MTFP1: variants seen among roughly 807,000 people sequenced by gnomAD.
MTFP1 encodes mitochondrial fission process 1.
In MTFP1, 19 loss-of-function variants were observed where a neutral mutation model predicts 17.1. The ratio of observed to expected loss-of-function variants is 1.11; its 90% CI spans 0.77 to 1.63. The LOEUF is 1.63. MTFP1 is among the 40% of genes most tolerant of loss of function. The pLI is 0.00. For missense variants in MTFP1, 221 were observed against 226.2 expected (o/e 0.98, Z 0.15); for synonymous variants, 89 against 95.2 (o/e 0.93, Z 0.38).
intron 1 of MTFP1, among the ~76,000 whole-genome samples, 194 bp from the exon 2 acceptor site, chr22:30,426,523 G>A (rs926436809): frequency 7.9e-5 from 12 of 152,236 alleles, no homozygotes; most frequent in African/African-American, 2.6e-4. Flanking sequence ...TGCTCAGTCC[G>A]CCCTCAGTGG....
chr22:30,428,574 T>C lies in MTFP1; in HGVS notation c.*40T>C, dbSNP rs1290093281. ...CTGGCCTGTGCATCGGCCTCCTGCT[T>C]CATGTCAACCTCCTACTCCTGCCAG... On this transcript the variant is annotated 3_prime_UTR_variant, in exon 4 of 4. Transcript: ENST00000266263. 4 of 1,614,046 alleles carry C rather than the reference T, an allele frequency of 2.5e-6. No homozygotes were observed. Among genetic ancestry groups the C allele is most frequent in the Non-Finnish European group, 3.4e-6 (4 of 1,180,026 alleles).
At position 30,425,957 on chromosome 22, in the gene MTFP1, G is replaced by A; in HGVS notation, c.67+11G>A. The A allele has an allele frequency of 6.6e-7, 1 of 1,504,634 alleles. No homozygotes were observed. Among genetic ancestry groups the A allele is most frequent in the Non-Finnish European group, 8.9e-7 (1 of 1,127,252 alleles). The allele number at this position is 1,504,634 out of a possible 1,614,324, so 93.2% of individuals were successfully genotyped here. On this transcript the variant is annotated intron_variant, in intron 1 of 3. Coordinates refer to ENST00000266263, the MANE Select transcript of MTFP1 (RefSeq NM_016498.5). ...GGGTGCGATACCTGGGTGAGCGCGG[G>A]GCGACGGGCGCGGCGACCCCACCAC...
At chr22:30,426,990 A>G (rs1601796046) in intron 2 of MTFP1, 146 bp downstream of exon 2, 1 of 1,424,714 alleles carries the variant, frequency 7.0e-7, no homozygotes, top group East Asian at 2.3e-5. Context: ...TCCTGTTTGT[A>G]GGACAGTGTA....
rs1411182147 is a variant in MTFP1, at chr22:30,426,941, C to T, written c.195+97C>T. 2.6e-6 allele frequency: 4 copies of T among 1,566,672 alleles called. No individual in the cohort carries two copies. The African/African-American group carries it at 5.4e-5, about 21-fold the overall frequency. ...TGTGATAAAGTCCCTGTGGGACACT[C>T]CAGTCCCTACAACCTTGCCTAGTGC... On this transcript the variant is annotated intron_variant, in intron 2 of 3. Transcript: ENST00000266263.
Position 30,428,589 on chromosome 22 carries a change from A to T in MTFP1, c.*55A>T. ...GCCTCCTGCTTCATGTCAACCTCCTACTCCTGCCAGGGAATGTGGACACCT... is the reference window on the plus strand; with the variant it reads ...GCCTCCTGCTTCATGTCAACCTCCTTCTCCTGCCAGGGAATGTGGACACCT... On this transcript the variant is annotated 3_prime_UTR_variant, in exon 4 of 4. Transcript: ENST00000266263. 6.2e-7 allele frequency: 1 copy of T among 1,613,194 alleles called. No individual in the cohort carries two copies. Among genetic ancestry groups the T allele is most frequent in the Admixed American group, 1.7e-5 (1 of 59,924 alleles).
In MTFP1 at chr22:30,427,196, G is replaced by A. The variant is rs1373478968; in HGVS notation, c.221G>A (p.Ser74Asn). Residue 74 changes from serine to asparagine, a missense_variant, in exon 3 of 4, where the codon AGC (serine) becomes AAC (asparagine). Physicochemically the swap from Ser to Asn is conservative, Grantham distance 46 (BLOSUM62 1). Coordinates refer to ENST00000266263, the MANE Select transcript of MTFP1 (RefSeq NM_016498.5). ...GEVPSPEAGR[S>N]ARVTVAVVDT... ...GTGCCCAGCCCTGAAGCAGGCCGCA[G>A]CGCCAGGGTGACTGTGGCTGTGGTG... 4 of 1,614,010 alleles carry A rather than the reference G, an allele frequency of 2.5e-6. No homozygotes were observed. The African/African-American group carries it at 5.3e-5, about 22-fold the overall frequency.
chr22:30,427,118 G>A (rs753849871), intron 2 of MTFP1, 53 bp from the exon 3 acceptor site: 47 of 1,589,796 alleles, frequency 3.0e-5, no homozygotes, highest in South Asian at 1.9e-4. Context: ...GCCCCTTGTC[G>A]CAGGATTTTC....
chr22:30,428,461 G>C lies in MTFP1; in HGVS notation c.429-1G>C, dbSNP rs1442251287. ...GCTCACCACCCTTCCACTCCCTACA[G>C]GTCGGTGGATTTCCTCCTGGACTCC... On this transcript the variant is annotated splice_acceptor_variant, in intron 3 of 3. Transcript: ENST00000266263. LOFTEE classifies it high-confidence loss of function. The C allele has an allele frequency of 5.0e-6, 8 of 1,614,068 alleles. No individual in the cohort carries two copies. Among genetic ancestry groups the C allele is most frequent in the Non-Finnish European group, 5.9e-6 (7 of 1,179,958 alleles).
Position 30,425,809 on chromosome 22 carries a change from C to A in MTFP1, c.-71C>A. ...TCGGCGGGTCCCGGCCGGGCAGACC[C>A]AAGTGCCGGCGGCGGAGACTGCAGT... On this transcript the variant is annotated 5_prime_UTR_variant, in exon 1 of 4. Transcript: ENST00000266263. The A allele has an allele frequency of 6.9e-7, 1 of 1,449,498 alleles. No homozygotes were observed. Among genetic ancestry groups the A allele is most frequent in the Admixed American group, 2.3e-5 (1 of 42,738 alleles). 89.8% of individuals were successfully genotyped at this position (1,449,498 alleles called of 1,614,324 possible).
intron 1 of MTFP1, 44 bp from the exon 2 acceptor site, chr22:30,426,672 CG>C (rs1295576787): frequency 2.5e-6 from 4 of 1,608,526 alleles, no homozygotes; most frequent in Non-Finnish European, 2.5e-6. Context: ...AACGCCCCCT[CG>C]TGGAACAGTT....
intron 1 of MTFP1, 28 bp from the exon 2 acceptor site, chr22:30,426,689 C>T (rs2146056558): frequency 6.8e-6 from 11 of 1,612,728 alleles, no homozygotes; most frequent in East Asian, 6.7e-5. Flanking sequence ...CAGTTGCGAG[C>T]CTAGGAATTA....
rs1934677852 is a variant in MTFP1 at position 30,426,802 on chromosome 22, C to A, written c.153C>A (p.Tyr51Ter). ...VWLSYGVASS[Y>*]VLADAIDKGK... ...TGAGCTATGGCGTGGCCAGCTCCTACGTGCTGGCGGATGCCATTGACAAAG... is the reference window on the plus strand; with the variant it reads ...TGAGCTATGGCGTGGCCAGCTCCTAAGTGCTGGCGGATGCCATTGACAAAG... The change falls in exon 2 of 4, where the codon TAC becomes TAA. Residue 51 changes from tyrosine (Y) to a stop codon, truncating the protein, a stop_gained. Coordinates refer to ENST00000266263, the MANE Select transcript of MTFP1 (RefSeq NM_016498.5). LOFTEE classifies it high-confidence loss of function. 6.2e-7 allele frequency: 1 copy of A among 1,613,502 alleles called. No homozygotes were observed. Among genetic ancestry groups the A allele is most frequent in the Non-Finnish European group, 8.5e-7 (1 of 1,180,006 alleles).
Position 30,426,784 on chromosome 22 carries a change from T to C in MTFP1, c.135T>C (p.Tyr45=). The C allele has an allele frequency of 1.2e-6, 2 of 1,613,964 alleles. No homozygotes were observed. Among genetic ancestry groups the C allele is most frequent in the Non-Finnish European group, 1.7e-6 (2 of 1,179,988 alleles). ...CAGCGGCGGTGGTGTGGCTGAGCTA[T>C]GGCGTGGCCAGCTCCTACGTGCTGG... ...LVPAAVVWLS[Y]GVASSYVLAD... Residue 45 remains tyrosine (Y), a synonymous_variant, in exon 2 of 4, where the codon TAT becomes TAC. Transcript: ENST00000266263.
At position 30,426,704 on chromosome 22, in the gene MTFP1, T is replaced by C; in HGVS notation, c.68-13T>C. The C allele has an allele frequency of 1.2e-6, 2 of 1,613,312 alleles. No individual in the cohort carries two copies. The highest frequency in any genetic ancestry group is 1.7e-6 in the Non-Finnish European group (2 of 1,179,578). On this transcript the variant is annotated splice_polypyrimidine_tract_variant and intron_variant, in intron 1 of 3. Coordinates refer to ENST00000266263, the MANE Select transcript of MTFP1 (RefSeq NM_016498.5). ...CAGTTGCGAGCCTAGGAATTAAATG[T>C]TCCCTCCCCCAGGCTATGCCAATGA...
In MTFP1 at chr22:30,428,586, C is replaced by G. The variant is rs1934711459; in HGVS notation, c.*52C>G. ...TCGGCCTCCTGCTTCATGTCAACCT[C>G]CTACTCCTGCCAGGGAATGTGGACA... is the stretch of plus-strand genomic sequence containing the variant. On this transcript the variant is annotated 3_prime_UTR_variant, in exon 4 of 4. Transcript: ENST00000266263. 6.2e-7 allele frequency: 1 copy of G among 1,614,078 alleles called. No homozygotes were observed. The highest frequency in any genetic ancestry group is 1.1e-5 in the South Asian group (1 of 91,090).
In MTFP1 at chr22:30,428,804, C is replaced by T; in HGVS notation, c.*270C>T. 1 of 812,764 alleles carries T rather than the reference C, an allele frequency of 1.2e-6. No homozygotes were observed. Among genetic ancestry groups the T allele is most frequent in the Non-Finnish European group, 2.0e-6 (1 of 507,214 alleles). The allele number at this position is 812,764 out of a possible 1,614,324, so 50.3% of individuals were successfully genotyped here. A position where few individuals can be genotyped will look rare whatever the true frequency, so the allele number is the denominator to read the frequency against. ...TGGGTGGGCCCGGCCCTGTCTTTTT[C>T]AGGAAAATTACATCCTCCCATGGAG... On this transcript the variant is annotated 3_prime_UTR_variant, in exon 4 of 4. Transcript: ENST00000266263.
chr22:30,427,464 G>C lies in MTFP1; in HGVS notation c.428+61G>C, dbSNP rs1456667235. On this transcript the variant is annotated intron_variant, in intron 3 of 3. Transcript: ENST00000266263. ...TCCAGTGATGAGAGTGGATCATCCA[G>C]TCTCCAGGTAGAGCTAGACTCTGTG... 30 of 1,502,352 alleles carry C rather than the reference G, an allele frequency of 2.0e-5. No homozygotes were observed. In the East Asian group the frequency reaches 5.2e-4, roughly 26 times the overall value. 93.1% of individuals were successfully genotyped at this position (1,502,352 alleles called of 1,614,324 possible). A position where few individuals can be genotyped will look rare whatever the true frequency, so the allele number is the denominator to read the frequency against.
chr22:30,425,790 G>A lies in MTFP1; in HGVS notation c.-90G>A. ...GTCCTTCGGCGCGGGACTTTCGGCG[G>A]GTCCCGGCCGGGCAGACCCAAGTGC... is the stretch of plus-strand genomic sequence containing the variant. On this transcript the variant is annotated 5_prime_UTR_variant, in exon 1 of 4. Coordinates refer to ENST00000266263, the MANE Select transcript of MTFP1 (RefSeq NM_016498.5). 1.5e-6 allele frequency: 2 copies of A among 1,334,650 alleles called. No homozygotes were observed. The highest frequency in any genetic ancestry group is 2.0e-6 in the Non-Finnish European group (2 of 1,007,452). 82.7% of individuals were successfully genotyped at this position (1,334,650 alleles called of 1,614,324 possible).
Position 30,428,477 on chromosome 22 carries a change from C to T in MTFP1, c.444C>T (p.Leu148=). 6.2e-7 allele frequency: 1 copy of T among 1,614,150 alleles called. No homozygotes were observed. The highest frequency in any genetic ancestry group is 8.5e-7 in the Non-Finnish European group (1 of 1,180,026). Reference sequence around the variant, plus strand: ...CTCCCTACAGGTCGGTGGATTTCCTCCTGGACTCCAGCCTGCGCAAGCTCT... The same window carrying T: ...CTCCCTACAGGTCGGTGGATTTCCTTCTGGACTCCAGCCTGCGCAAGCTCT... ...IHPIDRSVDF[L]LDSSLRKLYP... is the part of the protein sequence containing the mutation. Residue 148 remains leucine (L), a synonymous_variant, in exon 4 of 4, where the codon CTC becomes CTT. Coordinates refer to ENST00000266263, the MANE Select transcript of MTFP1 (RefSeq NM_016498.5).
Sources: gnomAD v4.1 joint callset for allele counts (sites outside exome capture counted in the v4.1 genomes callset) on GRCh38, gnomAD v4.1.1 for gene constraint, MANE v1.5 for transcripts, NCBI Gene and HGNC (gene_info 2026-07-23, HGNC 2026-07-21) for gene names.